Variants in LMBR1 observed in about 807,000 individuals in gnomAD.
LMBR1 encodes the protein limb region 1 protein homolog.
In LMBR1, 52 loss-of-function variants were observed where a neutral mutation model predicts 73.9. The ratio of observed to expected loss-of-function variants is 0.70; its 90% CI spans 0.56 to 0.89. The LOEUF is 0.89. Ranked by LOEUF, LMBR1 falls within the 40% of genes least tolerant of loss-of-function variation. The pLI is 0.00. For missense variants in LMBR1, 539 were observed against 579.8 expected, an observed-to-expected ratio of 0.93 and a Z score of 0.72; for synonymous variants, 215 against 209.4, an observed-to-expected ratio of 1.03 and a Z score of -0.23.
At chr7:156,811,180 T>C (rs532232429) in intron 4 of LMBR1, among the ~76,000 whole-genome samples, 11 of 152,336 alleles carry the variant, frequency 7.2e-5, no homozygotes, top group African/African-American at 2.6e-4. Context: ...TCTAATCTGC[T>C]ATTAATCTAC....
chr7:156,733,584 C>T (rs544125043), intron 10 of LMBR1, among the ~76,000 whole-genome samples: 1 of 151,918 alleles, frequency 6.6e-6, no homozygotes, highest in East Asian at 1.9e-4. Context: ...GAAGACACAG[C>T]TATAGACGCT....
At chr7:156,714,967 T>G (rs1162713136) in intron 15 of LMBR1, among the ~76,000 whole-genome samples, 2 of 151,770 alleles carry the variant, frequency 1.3e-5, no homozygotes, top group African/African-American at 4.8e-5. Flanking sequence ...TTTTTTTTTT[T>G]TTGAGACAGA....
At chr7:156,676,988 C>G (rs925184974), downstream of LMBR1, 1 of 234,680 alleles carries the variant, frequency 4.3e-6, no homozygotes, top group Non-Finnish European at 8.5e-6. Flanking sequence ...AAATGTAAAA[C>G]ACTCCTTAAG....
chr7:156,812,093 CT>C (rs1833184178), intron 4 of LMBR1, among the ~76,000 whole-genome samples: 1 of 152,138 alleles, frequency 6.6e-6, no homozygotes, highest in Non-Finnish European at 1.5e-5. Context: ...CTAATTATGT[CT>C]ACAAAGACTG....
At chr7:156,892,689 A>C in intron 1 of LMBR1, 31 of 268,352 alleles carry the variant, frequency 1.2e-4, no homozygotes, top group East Asian at 5.0e-4. Context: ...AGGGGAGGCA[A>C]GAGCGGAGCG....
intron 10 of LMBR1, among the ~76,000 whole-genome samples, chr7:156,733,554 T>A (rs1323272243): frequency 1.3e-5 from 2 of 151,234 alleles, no homozygotes; most frequent in Non-Finnish European, 2.9e-5. Context: ...AGATTAGACA[T>A]GCACAAGATT....
rs1215572351 is a variant in LMBR1, at chr7:156,824,322, G to T, written c.319+2283C>A. Among the ~76,000 whole-genome samples the T allele has an allele frequency of 2.0e-5, 3 of 152,210 alleles. No individual in the cohort carries two copies. The East Asian group carries it at 5.8e-4, about 29-fold the overall frequency. ...AGCAGAAGCTTACGGGATTGCTAAG[G>T]TAGCATCACCTACAAAAATTATCTT... On this transcript the variant is annotated intron_variant, in intron 4 of 16. Transcript: ENST00000353442.
chr7:156,670,014 C>A lies in LMBR1; in HGVS notation n.867-727G>T, dbSNP rs1802126796. ...AGCTGTATGTACTTCTGTGGCCTCT[C>A]TCTCCAGTGGTCATGTAGTTTTTTT... On this transcript the variant is annotated intron_variant and non_coding_transcript_variant, in intron 4 of 4. Transcript: ENST00000430825. This position sits in a 1 kb window ranked among gnomAD's most constrained non-coding sequence, Gnocchi z 4.3. Among the ~76,000 whole-genome samples the A allele has an allele frequency of 6.6e-6, 1 of 152,356 alleles. No individual in the cohort carries two copies. Among genetic ancestry groups the A allele is most frequent in the South Asian group, 2.1e-4 (1 of 4,826 alleles).
downstream of LMBR1, chr7:156,675,961 G>A (rs1366784722): frequency 2.3e-6 from 3 of 1,287,416 alleles, no homozygotes; most frequent in South Asian, 4.0e-5. Flanking sequence ...CTCACTTTGG[G>A]GAGCCTAGGA....
At chr7:156,770,998 G>A (rs531987553) in intron 5 of LMBR1, among the ~76,000 whole-genome samples, 12 of 151,986 alleles carry the variant, frequency 7.9e-5, no homozygotes, top group South Asian at 6.2e-4. Flanking sequence ...AAAATAAATC[G>A]AAGAATTCAG....
Position 156,679,505 on chromosome 7 carries a change from T to C in LMBR1, c.*4573A>G, listed in dbSNP as rs1191079586. 3 of 131,894 alleles carry C rather than the reference T, an allele frequency of 2.3e-5. No homozygotes were observed. The highest frequency in any genetic ancestry group is 4.9e-5 in the Non-Finnish European group (3 of 61,604). The allele number at this position is 131,894 out of a possible 1,614,324, so 8.2% of individuals were successfully genotyped here. On this transcript the variant is annotated 3_prime_UTR_variant, in exon 17 of 17. Coordinates refer to ENST00000353442, the MANE Select transcript of LMBR1 (RefSeq NM_022458.4). ...AGAGAAGTTGCAGAATCAATATAAATAGCTACAGCAGTATCAAATATGCTT... is the reference window on the plus strand; with the variant it reads ...AGAGAAGTTGCAGAATCAATATAAACAGCTACAGCAGTATCAAATATGCTT...
chr7:156,729,967 A>G (rs1012603369), intron 10 of LMBR1, among the ~76,000 whole-genome samples: 1 of 152,222 alleles, frequency 6.6e-6, no homozygotes, highest in Non-Finnish European at 1.5e-5. Flanking sequence ...ATATTCTGTG[A>G]AGTAAACTGA....
chr7:156,868,962 C>T (rs1290572872), intron 1 of LMBR1, among the ~76,000 whole-genome samples: 1 of 152,102 alleles, frequency 6.6e-6, no homozygotes, highest in Admixed American at 6.5e-5. Flanking sequence ...AAGACCCTGT[C>T]TCGAAAAACA....
chr7:156,889,961 G>A (rs529356218), intron 1 of LMBR1, among the ~76,000 whole-genome samples: 16 of 152,174 alleles, frequency 1.1e-4, no homozygotes, highest in East Asian at 7.7e-4. Flanking sequence ...CCATGATTGC[G>A]CCACTGCACG....
intron 1 of LMBR1, among the ~76,000 whole-genome samples, chr7:156,848,522 A>C (rs1795809790): frequency 6.6e-6 from 1 of 152,306 alleles, no homozygotes; most frequent in African/African-American, 2.4e-5. Context: ...AAGTCAAAAA[A>C]TAACAGATGC....
intron 1 of LMBR1, among the ~76,000 whole-genome samples, chr7:156,853,167 T>C (rs964726966): frequency 4.6e-5 from 7 of 151,866 alleles, no homozygotes; most frequent in African/African-American, 1.7e-4. Context: ...CTCGATCTCC[T>C]GACCTCATGA....
intron 9 of LMBR1, among the ~76,000 whole-genome samples, chr7:156,752,390 G>T (rs1334290025): frequency 1.3e-5 from 2 of 152,278 alleles, no homozygotes; most frequent in South Asian, 4.1e-4. Flanking sequence ...TTATGCTGAT[G>T]GAAAGGATAC....
chr7:156,693,499 G>C (rs1807660251), intron 15 of LMBR1, among the ~76,000 whole-genome samples: 1 of 151,896 alleles, frequency 6.6e-6, no homozygotes, highest in African/African-American at 2.4e-5. Context: ...AGATCATAAG[G>C]AACTATTATG....
chr7:156,704,600 C>CT (rs1322756723), intron 15 of LMBR1, among the ~76,000 whole-genome samples: 1 of 102,280 alleles, frequency 9.8e-6, no homozygotes, highest in Non-Finnish European at 2.0e-5. Context: ...TAGATCCTAA[C>CT]TGAAAAAAAA....
Sources: allele counts gnomAD v4.1 joint callset (sites outside exome capture counted in the v4.1 genomes callset), GRCh38; gene constraint gnomAD v4.1.1; non-coding constraint Gnocchi (gnomAD v3.1); transcripts MANE v1.5; gene names NCBI Gene and HGNC (gene_info 2026-07-23, HGNC 2026-07-21).